Variants in NEXMIF observed in about 807,000 individuals in gnomAD.
NEXMIF encodes neurite extension and migration factor.
NEXMIF carries 8 observed loss-of-function variants against 62.1 expected under a neutral mutation model. The observed-to-expected ratio is 0.13, with a 90% CI of 0.08 to 0.23. The LOEUF (loss-of-function observed/expected upper bound fraction) is 0.23, where lower values mean the gene tolerates loss of function less well. Among genes scored for constraint, NEXMIF ranks in the 10% least tolerant of loss-of-function variants. The pLI is 1.00. For synonymous variants in NEXMIF, 404 were observed against 416.6 expected (o/e 0.97, Z 0.37); for missense variants, 976 against 1,113.3 (o/e 0.88, Z 1.75).
intron 1 of NEXMIF, among the ~76,000 whole-genome samples, chrX:74,883,822 G>A (rs1169187490): frequency 9.0e-6 from 1 of 111,295 alleles, no homozygotes; most frequent in Non-Finnish European, 1.9e-5. Flanking sequence ...CTCAAGAAGA[G>A]CAACTCCAAG....
intron 1 of NEXMIF, among the ~76,000 whole-genome samples, chrX:74,798,795 C>T (rs2080320149): frequency 9.1e-6 from 1 of 109,583 alleles, no homozygotes; most frequent in Admixed American, 9.8e-5. Context: ...AGTAATGCAA[C>T]AGTCACAGGG....
intron 1 of NEXMIF, among the ~76,000 whole-genome samples, chrX:74,841,267 G>C (rs1227514848): frequency 1.8e-5 from 2 of 111,032 alleles, no homozygotes; most frequent in Non-Finnish European, 1.9e-5. Flanking sequence ...TTTCTGATTT[G>C]GCTCTCGGTC....
At chrX:74,749,730 A>G (rs942691666) in intron 1 of NEXMIF, among the ~76,000 whole-genome samples, 3 of 110,840 alleles carry the variant, frequency 2.7e-5, no homozygotes, top group Non-Finnish European at 5.7e-5. Flanking sequence ...CATTCTCTGT[A>G]TTCTCAAAGA....
intron 1 of NEXMIF, among the ~76,000 whole-genome samples, chrX:74,896,467 T>C (rs1293367328): frequency 8.9e-6 from 1 of 112,638 alleles, no homozygotes; most frequent in East Asian, 2.8e-4. Flanking sequence ...CCCAGAAAGT[T>C]GTGACTTGAA....
chrX:74,778,083 TA>T (rs2080233952), intron 1 of NEXMIF, among the ~76,000 whole-genome samples: 1 of 111,805 alleles, frequency 8.9e-6, no homozygotes, highest in Non-Finnish European at 1.9e-5. Flanking sequence ...TCAACCAACT[TA>T]TAAAGACTGT....
rs74679235 is a variant in NEXMIF, at chrX:74,760,841, G to GATTTATTTATTT, written c.-47-15156_-47-15145dup. Among the ~76,000 whole-genome samples the GATTTATTTATTT allele has an allele frequency of 3.2e-4, 29 of 89,449 alleles. No homozygotes were observed. In the South Asian group the frequency reaches 3.3e-3, roughly 10 times the overall value. 77.7% of individuals were successfully genotyped at this position (89,449 alleles called of 115,157 possible). A position where few individuals can be genotyped will look rare whatever the true frequency, so the allele number is the denominator to read the frequency against. ...TGTTCATCAAGGTTATTGGCCCTAAGATTTATTTATTTATTTATTTATTTA... is the reference window on the plus strand; with the variant it reads ...TGTTCATCAAGGTTATTGGCCCTAAGATTTATTTATTTATTTATTTATTTATTTATTTATTTA... On this transcript the variant is annotated intron_variant, in intron 1 of 3. Transcript: ENST00000055682.
intron 1 of NEXMIF, among the ~76,000 whole-genome samples, chrX:74,768,801 G>A (rs1329736122): frequency 1.8e-5 from 2 of 112,132 alleles, no homozygotes; most frequent in Non-Finnish European, 3.8e-5. Flanking sequence ...CCAATTCAAT[G>A]AGCTTTAAAA....
chrX:74,892,262 G>C (rs1422451849), intron 1 of NEXMIF, among the ~76,000 whole-genome samples: 1 of 112,036 alleles, frequency 8.9e-6, no homozygotes, highest in Non-Finnish European at 1.9e-5. Flanking sequence ...TCTTTAACCT[G>C]GGCACCAGGG....
chrX:74,789,325 T>C (rs1445324357), intron 1 of NEXMIF, among the ~76,000 whole-genome samples: 2 of 105,779 alleles, frequency 1.9e-5, no homozygotes, highest in Middle Eastern at 4.7e-3. Context: ...TATGGCTGCA[T>C]AGTATTCCAT....
intron 1 of NEXMIF, among the ~76,000 whole-genome samples, chrX:74,829,766 C>T (rs1416565650): frequency 8.9e-6 from 1 of 111,827 alleles, no homozygotes; most frequent in Non-Finnish European, 1.9e-5. Flanking sequence ...GAGATGATAT[C>T]TTCTCATTGT....
At chrX:74,819,736 G>C (rs1056552378) in intron 1 of NEXMIF, among the ~76,000 whole-genome samples, 1 of 111,980 alleles carries the variant, frequency 8.9e-6, no homozygotes, top group Admixed American at 9.4e-5. Flanking sequence ...TACACTGTTG[G>C]TGGGAGTGTA....
intron 1 of NEXMIF, among the ~76,000 whole-genome samples, chrX:74,820,294 C>A (rs1228913152): frequency 9.1e-6 from 1 of 109,576 alleles, no homozygotes; most frequent in African/African-American, 3.3e-5. Context: ...ATGTATCAAA[C>A]CTGCACATTG....
chrX:74,802,700 C>T (rs1263095007), intron 1 of NEXMIF, among the ~76,000 whole-genome samples: 1 of 110,459 alleles, frequency 9.1e-6, no homozygotes, highest in Non-Finnish European at 1.9e-5. Flanking sequence ...CATAACCACA[C>T]CAAATGAACT....
chrX:74,858,306 A>G (rs1490726220), intron 1 of NEXMIF, among the ~76,000 whole-genome samples: 1 of 112,232 alleles, frequency 8.9e-6, no homozygotes, highest in Non-Finnish European at 1.9e-5. Context: ...AGCTCCAGGC[A>G]GCTCAGCACA....
At chrX:74,808,974 T>C (rs1471137273) in intron 1 of NEXMIF, among the ~76,000 whole-genome samples, 1 of 111,749 alleles carries the variant, frequency 8.9e-6, no homozygotes, top group Non-Finnish European at 1.9e-5. Context: ...ATAAAAGGTG[T>C]TTTGGTCATT....
At chrX:74,906,878 T>C (rs905076819) in intron 1 of NEXMIF, among the ~76,000 whole-genome samples, 34 of 111,791 alleles carry the variant, frequency 3.0e-4, no homozygotes, top group Non-Finnish European at 3.9e-4. Flanking sequence ...TCCTAGCCTC[T>C]TTGCTGCATA....
At chrX:74,874,440 T>G (rs1160879998) in intron 1 of NEXMIF, among the ~76,000 whole-genome samples, 4 of 110,964 alleles carry the variant, frequency 3.6e-5, no homozygotes, top group African/African-American at 9.9e-5. Flanking sequence ...GCCTCCAGCT[T>G]TGTTCTTTTA....
At chrX:74,836,811 C>T (rs1490333473) in intron 1 of NEXMIF, among the ~76,000 whole-genome samples, 3 of 111,390 alleles carry the variant, frequency 2.7e-5, no homozygotes, top group Non-Finnish European at 5.7e-5. Flanking sequence ...CTCCCTAGGT[C>T]ACGTGCCACC....
intron 1 of NEXMIF, among the ~76,000 whole-genome samples, chrX:74,883,902 T>C (rs920282104): frequency 4.5e-5 from 5 of 112,011 alleles, no homozygotes; most frequent in Middle Eastern, 4.6e-3. Context: ...GAGAGAAAGG[T>C]TGGGTTACCC....
Sources: allele counts gnomAD v4.1 joint callset (sites outside exome capture counted in the v4.1 genomes callset), GRCh38; gene constraint gnomAD v4.1.1; transcripts MANE v1.5; gene names NCBI Gene and HGNC (gene_info 2026-07-23, HGNC 2026-07-21).